The following GRID2 variants were observed in gnomAD, a reference collection of about 807,000 sequenced individuals.
GRID2 encodes glutamate ionotropic receptor delta type subunit 2, also known as glutamate receptor ionotropic, delta-2.
GRID2 carries 33 observed loss-of-function variants against 114.8 expected under a neutral mutation model. The ratio of observed to expected loss-of-function variants is 0.29; its 90% confidence interval spans 0.22 to 0.38. GRID2 has a LOEUF of 0.38. Ranked by LOEUF, GRID2 falls within the 10% of genes least tolerant of loss-of-function variation. The probability of loss-of-function intolerance (pLI) is 1.00; values close to 1 mark genes in which losing one functional copy is unlikely to be tolerated. For missense variants in GRID2, 1,184 were observed against 1,257.7 expected (o/e 0.94, Z 0.89); for synonymous variants, 505 against 449.9 (o/e 1.12, Z -1.55).
At chr4:92,352,359 TTA>T (rs1560582046) in intron 1 of GRID2, among the ~76,000 whole-genome samples, 2 of 150,728 alleles carry the variant, frequency 1.3e-5, no homozygotes, top group African/African-American at 2.4e-5. Flanking sequence ...ATTATTATTA[TTA>T]TTATTATATT....
intron 11 of GRID2, among the ~76,000 whole-genome samples, chr4:93,485,931 G>C (rs1726347479): frequency 6.6e-6 from 1 of 151,524 alleles, no homozygotes; most frequent in South Asian, 2.1e-4. Context: ...TTCACTGACT[G>C]AATCTATAGA....
chr4:93,198,591 G>A (rs545016497), intron 4 of GRID2, among the ~76,000 whole-genome samples: 9 of 152,120 alleles, frequency 5.9e-5, no homozygotes, highest in African/African-American at 1.7e-4. Flanking sequence ...TTTCATTAAG[G>A]CTGGGATAGA....
intron 8 of GRID2, among the ~76,000 whole-genome samples, chr4:93,329,459 ATC>A (rs1287910230): frequency 6.6e-6 from 1 of 152,090 alleles, no homozygotes. Flanking sequence ...TAGATTCAAG[ATC>A]TGAGTCATGT....
intron 1 of GRID2, among the ~76,000 whole-genome samples, chr4:92,477,051 G>A (rs920068314): frequency 2.3e-4 from 15 of 64,972 alleles, no homozygotes; most frequent in African/African-American, 9.4e-4. Flanking sequence ...GTGTGTGTGT[G>A]TGTGTGTGTG....
chr4:93,802,667 C>G (rs1037709929), intron 1 of GRID2, among the ~76,000 whole-genome samples: 2 of 152,028 alleles, frequency 1.3e-5, no homozygotes, highest in Non-Finnish European at 2.9e-5. Context: ...TATCATAAAG[C>G]ATGTAAGATT....
intron 2 of GRID2, among the ~76,000 whole-genome samples, chr4:93,023,969 A>G (rs963584224): frequency 5.9e-5 from 9 of 151,972 alleles, no homozygotes; most frequent in East Asian, 3.9e-4. Flanking sequence ...TCCTTGGAGT[A>G]TCTTCCACCT....
intron 4 of GRID2, among the ~76,000 whole-genome samples, chr4:93,175,283 G>T (rs893682196): frequency 6.6e-6 from 1 of 151,998 alleles, no homozygotes; most frequent in Non-Finnish European, 1.5e-5. Flanking sequence ...CAATTCTCCT[G>T]CCTCAGCCTC....
chr4:92,341,963 T>A (rs552371327), intron 1 of GRID2, among the ~76,000 whole-genome samples: 5 of 151,770 alleles, frequency 3.3e-5, no homozygotes, highest in African/African-American at 4.8e-5. Flanking sequence ...ACCAAGATGG[T>A]CATCCATTGT....
At chr4:93,105,903 A>G (rs982119270) in intron 3 of GRID2, among the ~76,000 whole-genome samples, 1 of 152,090 alleles carries the variant, frequency 6.6e-6, no homozygotes, top group Non-Finnish European at 1.5e-5. Flanking sequence ...TGCAGCCTTA[A>G]TTTGTCTTTG....
chr4:92,726,478 C>T (rs1357451156), intron 2 of GRID2, among the ~76,000 whole-genome samples: 2 of 151,896 alleles, frequency 1.3e-5, no homozygotes, highest in African/African-American at 4.8e-5. Context: ...AAAGTAGCTG[C>T]TTTTTTAATT....
At chr4:93,529,641 AT>A (rs1731253849) in intron 13 of GRID2, among the ~76,000 whole-genome samples, 1 of 152,108 alleles carries the variant, frequency 6.6e-6, no homozygotes, top group Non-Finnish European at 1.5e-5. Flanking sequence ...AATCCAAAAT[AT>A]TTGATCACCC....
At chr4:92,757,510 T>A (rs577010873) in intron 2 of GRID2, among the ~76,000 whole-genome samples, 2 of 152,198 alleles carry the variant, frequency 1.3e-5, no homozygotes, top group East Asian at 3.9e-4. Context: ...TGACAAGAAA[T>A]CATATGTATG....
intron 1 of GRID2, among the ~76,000 whole-genome samples, chr4:92,586,531 T>G (rs987586609): frequency 6.6e-6 from 1 of 152,140 alleles, no homozygotes; most frequent in African/African-American, 2.4e-5. Context: ...TATGTTTTTT[T>G]AACAGAAGTA....
rs541646570 is a variant in GRID2 at position 92,724,396 on chromosome 4, G to T, written c.244+134110G>T. Among the ~76,000 whole-genome samples the T allele has an allele frequency of 3.9e-5, 6 of 152,212 alleles. No homozygotes were observed. In the South Asian group the frequency reaches 1.0e-3, roughly 26 times the overall value. On this transcript the variant is annotated intron_variant, in intron 2 of 15. Transcript: ENST00000282020. Reference sequence around the variant, plus strand: ...AATACGCCTAGGTTAGCATACTGCAGCTCTATCATGTTCATCTCACTCTTA... The same window carrying T: ...AATACGCCTAGGTTAGCATACTGCATCTCTATCATGTTCATCTCACTCTTA...
At chr4:93,088,783 T>C (rs1730540267) in intron 3 of GRID2, among the ~76,000 whole-genome samples, 2 of 152,092 alleles carry the variant, frequency 1.3e-5, no homozygotes, top group South Asian at 2.1e-4. Flanking sequence ...ACTGTCACAA[T>C]TTTACAAATA....
intron 14 of GRID2, among the ~76,000 whole-genome samples, chr4:93,731,665 G>T (rs905642712): frequency 6.6e-6 from 1 of 152,174 alleles, no homozygotes; most frequent in African/African-American, 2.4e-5. Flanking sequence ...GCTGAGTCAC[G>T]CAGAGGACTC....
At chr4:93,083,538 A>G (rs1730062140) in intron 2 of GRID2, among the ~76,000 whole-genome samples, 1 of 151,656 alleles carries the variant, frequency 6.6e-6, no homozygotes, top group Non-Finnish European at 1.5e-5. Context: ...CTAAAAACAC[A>G]CAAAAAAATC....
At chr4:93,271,334 C>A (rs1579498495) in intron 8 of GRID2, among the ~76,000 whole-genome samples, 1 of 152,122 alleles carries the variant, frequency 6.6e-6, no homozygotes, top group South Asian at 2.1e-4. Context: ...ATGTCATGGT[C>A]TCCAGAGAAC....
At chr4:93,376,843 G>A (rs1188899837) in intron 8 of GRID2, among the ~76,000 whole-genome samples, 1 of 152,170 alleles carries the variant, frequency 6.6e-6, no homozygotes, top group East Asian at 1.9e-4. Flanking sequence ...GAGAGGGAGA[G>A]CATTAGGAAA....
Sources: allele counts gnomAD v4.1 joint callset (sites outside exome capture counted in the v4.1 genomes callset), GRCh38; gene constraint gnomAD v4.1.1; transcripts MANE v1.5; gene names NCBI Gene and HGNC (gene_info 2026-07-23, HGNC 2026-07-21).